The following TMEFF2 variants were observed in gnomAD, a reference collection of about 807,000 sequenced individuals.
TMEFF2 encodes the protein tomoregulin-2.
In TMEFF2, 28 loss-of-function variants were observed where a neutral mutation model predicts 53.8. The ratio of observed to expected loss-of-function variants is 0.52; its 90% CI spans 0.39 to 0.71. TMEFF2 has a LOEUF of 0.71. TMEFF2 is among the 30% of genes least tolerant of loss of function. The probability of loss-of-function intolerance (pLI) is 0.00; values close to 1 mark genes in which losing one functional copy is unlikely to be tolerated. For missense variants in TMEFF2, 353 were observed against 455.2 expected (o/e 0.78, Z 2.04); for synonymous variants, 162 against 166.3 (o/e 0.97, Z 0.20).
chr2:192,031,223 G>A (rs1574305670), intron 5 of TMEFF2: 1 of 152,094 alleles, frequency 6.6e-6, no homozygotes, highest in South Asian at 2.1e-4. Context: ...TTTTTTACCT[G>A]AGCATTTATT....
intron 4 of TMEFF2, among the ~76,000 whole-genome samples, chr2:192,105,720 A>G (rs1242939849): frequency 6.6e-6 from 1 of 151,972 alleles, no homozygotes; most frequent in Non-Finnish European, 1.5e-5. Flanking sequence ...AACTAATTCC[A>G]AAACATATAT....
chr2:192,145,875 C>T (rs1690239288), intron 4 of TMEFF2, among the ~76,000 whole-genome samples: 1 of 151,954 alleles, frequency 6.6e-6, no homozygotes, highest in Non-Finnish European at 1.5e-5. Context: ...TTGTTCTTAC[C>T]ATGTCAATGT....
intron 5 of TMEFF2, among the ~76,000 whole-genome samples, chr2:192,055,754 G>A (rs532502694): frequency 7.7e-5 from 9 of 117,320 alleles, no homozygotes; most frequent in Admixed American, 3.4e-4. Flanking sequence ...TAGCCTGGGC[G>A]ACAGAGTGAG....
At chr2:191,980,333 C>T (rs150876453) in intron 7 of TMEFF2, among the ~76,000 whole-genome samples, 18 of 152,156 alleles carry the variant, frequency 1.2e-4, no homozygotes, top group African/African-American at 4.3e-4. Flanking sequence ...GGCCAGGAGA[C>T]GATGAGGAAG....
At chr2:192,175,424 AT>A (rs1202791600) in intron 4 of TMEFF2, among the ~76,000 whole-genome samples, 1 of 151,622 alleles carries the variant, frequency 6.6e-6, no homozygotes, top group Non-Finnish European at 1.5e-5. Flanking sequence ...TATGAAAATA[AT>A]TTGTACTGGA....
intron 4 of TMEFF2, among the ~76,000 whole-genome samples, chr2:192,139,283 A>G (rs1266005340): frequency 6.6e-6 from 1 of 152,246 alleles, no homozygotes; most frequent in East Asian, 1.9e-4. Context: ...AAAGTGATGA[A>G]TATAATCATC....
intron 4 of TMEFF2, among the ~76,000 whole-genome samples, chr2:192,147,772 G>A (rs1305281436): frequency 6.6e-6 from 1 of 152,014 alleles, no homozygotes; most frequent in Non-Finnish European, 1.5e-5. Flanking sequence ...CAACATGATA[G>A]CCATTAGCTA....
chr2:191,966,326 T>A (rs1692470695), intron 7 of TMEFF2, among the ~76,000 whole-genome samples: 1 of 152,176 alleles, frequency 6.6e-6, no homozygotes, highest in African/African-American at 2.4e-5. Context: ...CTGGTGAGGC[T>A]AATGGAGAAA....
intron 4 of TMEFF2, among the ~76,000 whole-genome samples, chr2:192,160,967 C>T (rs1042666492): frequency 6.6e-6 from 1 of 151,998 alleles, no homozygotes; most frequent in African/African-American, 2.4e-5. Context: ...CACTCTGCCA[C>T]GCTAAAGGCT....
chr2:192,136,993 A>G (rs1690025907), intron 4 of TMEFF2, among the ~76,000 whole-genome samples: 2 of 152,362 alleles, frequency 1.3e-5, no homozygotes, highest in Admixed American at 6.5e-5. Flanking sequence ...AAAAGGAAAG[A>G]GAAGAAATGA....
At chr2:192,098,150 G>A (rs9808007) in intron 4 of TMEFF2, among the ~76,000 whole-genome samples, 10,391 of 152,146 alleles carry the variant, frequency 0.068, 759 homozygotes, top group African/African-American at 0.18. Flanking sequence ...ATAGCAAAGT[G>A]AAATAAAATA....
At chr2:192,078,206 G>T (rs760920695) in intron 4 of TMEFF2, among the ~76,000 whole-genome samples, 57 of 152,110 alleles carry the variant, frequency 3.7e-4, no homozygotes, top group Non-Finnish European at 7.4e-4. Context: ...ATGTCTTTGG[G>T]TAATCAGTAA....
At chr2:192,028,412 T>C (rs1687027428) in intron 5 of TMEFF2, among the ~76,000 whole-genome samples, 1 of 152,148 alleles carries the variant, frequency 6.6e-6, no homozygotes, top group African/African-American at 2.4e-5. Context: ...AGCTTGTTTA[T>C]CACAGAGAAA....
At position 192,049,873 on chromosome 2, in the gene TMEFF2, C is replaced by T. The variant is rs372755624; in HGVS notation, c.536+7806G>A. ...AAAATTAGCCGGGCGTGGTGGCGAC[C>T]GCCTGTAGTCCCAGCTACCCGGGAG... On this transcript the variant is annotated intron_variant, in intron 5 of 9. Transcript: ENST00000272771. Among the ~76,000 whole-genome samples the T allele has an allele frequency of 3.7e-4, 57 of 152,102 alleles. No individual in the cohort carries two copies. In the East Asian group the frequency reaches 8.3e-3, roughly 22 times the overall value.
In TMEFF2 at chr2:191,950,236, T is replaced by A; in HGVS notation, c.*75A>T. The A allele has an allele frequency of 2.6e-6, 4 of 1,541,916 alleles. No individual in the cohort carries two copies. ...AGGCAACATGTGTAGATCTCTTGTC[T>A]TATTCTTTTGTCTATAATACTGTAT... On this transcript the variant is annotated 3_prime_UTR_variant, in exon 10 of 10. Transcript: ENST00000272771.
intron 7 of TMEFF2, among the ~76,000 whole-genome samples, chr2:191,995,591 T>C (rs550205584): frequency 1.3e-5 from 2 of 152,156 alleles, no homozygotes; most frequent in Admixed American, 6.6e-5. Context: ...TTGGTTCCTT[T>C]TAATTTTTTC....
At chr2:192,056,363 A>AAGG (rs551628652) in intron 5 of TMEFF2, among the ~76,000 whole-genome samples, 10 of 151,884 alleles carry the variant, frequency 6.6e-5, no homozygotes. Flanking sequence ...CAGGGAGGGA[A>AAGG]AGGAGGAGGA....
chr2:191,973,919 C>T (rs907917373), intron 7 of TMEFF2, among the ~76,000 whole-genome samples: 1 of 152,142 alleles, frequency 6.6e-6, no homozygotes, highest in Non-Finnish European at 1.5e-5. Flanking sequence ...TCTACTTTCC[C>T]TTCCACCATG....
chr2:192,012,869 T>A (rs541041289), intron 5 of TMEFF2, among the ~76,000 whole-genome samples: 9 of 152,282 alleles, frequency 5.9e-5, no homozygotes, highest in African/African-American at 2.2e-4. Flanking sequence ...AGTAAAAATG[T>A]ATACAAATTA....
Sources: allele counts gnomAD v4.1 joint callset (sites outside exome capture counted in the v4.1 genomes callset), GRCh38; gene constraint gnomAD v4.1.1; transcripts MANE v1.5; gene names NCBI Gene and HGNC (gene_info 2026-07-23, HGNC 2026-07-21).